Variants in PARP11 observed in about 807,000 individuals in gnomAD.
PARP11 encodes poly(ADP-ribose) polymerase family member 11, also known as protein mono-ADP-ribosyltransferase PARP11.
Under a neutral mutation model 42.9 loss-of-function variants are expected in PARP11, and 31 were observed. The observed-to-expected ratio is 0.72, with a 90% CI of 0.54 to 0.98. PARP11 has a LOEUF of 0.98. Among genes scored for constraint, PARP11 ranks in the 50% least tolerant of loss-of-function variants. The pLI is 0.00. For synonymous variants in PARP11, 137 were observed against 127.3 expected (o/e 1.08, Z -0.51); for missense variants, 365 against 413.1 (o/e 0.88, Z 1.01).
chr12:3,843,213 A>G (rs1405462825), intron 1 of PARP11, among the ~76,000 whole-genome samples: 1 of 152,150 alleles, frequency 6.6e-6, no homozygotes, highest in African/African-American at 2.4e-5. Flanking sequence ...GATTGCACAG[A>G]AGTATAGTAG....
intron 3 of PARP11, 117 bp from the exon 4 acceptor site, chr12:3,826,350 C>A (rs1947526016): frequency 7.4e-6 from 5 of 672,718 alleles, no homozygotes; most frequent in Non-Finnish European, 1.2e-5. Context: ...TCGGGAGTAG[C>A]TGGCAAGCAT....
chr12:3,842,187 G>A, intron 1 of PARP11: 5 of 1,610,084 alleles, frequency 3.1e-6, no homozygotes, highest in Non-Finnish European at 4.2e-6. Context: ...TGCTGATGTG[G>A]TCAGCCCTGG....
At chr12:3,838,670 C>T (rs1947813706) in intron 1 of PARP11, among the ~76,000 whole-genome samples, 3 of 152,206 alleles carry the variant, frequency 2.0e-5, no homozygotes, top group Admixed American at 2.0e-4. Context: ...CAAAAAGCCA[C>T]ATTTTTCAAA....
chr12:3,812,088 A>T lies in PARP11; in HGVS notation c.*35T>A, dbSNP rs1289899667. 1 of 1,495,282 alleles carries T rather than the reference A, an allele frequency of 6.7e-7. No homozygotes were observed. The highest frequency in any genetic ancestry group is 9.1e-7 in the Non-Finnish European group (1 of 1,102,932). 92.6% of individuals were successfully genotyped at this position (1,495,282 alleles called of 1,614,324 possible). On this transcript the variant is annotated 3_prime_UTR_variant, in exon 8 of 8. Coordinates refer to ENST00000228820, the MANE Select transcript of PARP11 (RefSeq NM_020367.6). ...AGCAAACCTTCCTGCAAAAAAGAATAAAGCTTCCTTGACCACCGAGATTTG... is the reference window on the plus strand; with the variant it reads ...AGCAAACCTTCCTGCAAAAAAGAATTAAGCTTCCTTGACCACCGAGATTTG...
intron 1 of PARP11, among the ~76,000 whole-genome samples, chr12:3,866,520 G>A (rs982172723): frequency 1.3e-5 from 2 of 152,136 alleles, no homozygotes; most frequent in African/African-American, 2.4e-5. Context: ...TAATTTGTAC[G>A]AAAATCACTT....
intron 3 of PARP11, 25 bp downstream of exon 3, chr12:3,828,885 A>C: frequency 6.2e-7 from 1 of 1,607,600 alleles, no homozygotes; most frequent in Non-Finnish European, 8.5e-7. Context: ...CTAAAAACAC[A>C]CAACTATTAG....
Position 3,840,749 on chromosome 12 carries a change from A to C in PARP11, c.19-10731T>G, listed in dbSNP as rs559140727. On this transcript the variant is annotated intron_variant, in intron 1 of 7. Coordinates refer to ENST00000228820, the MANE Select transcript of PARP11 (RefSeq NM_020367.6). The surrounding 1 kb of genome is among the most constrained non-coding windows in gnomAD (Gnocchi z 4.4). ...CTCTATTCATGGACATAGTTGGATA[A>C]AAGACCCGAACCAAGCATATTGGAG... is the stretch of plus-strand genomic sequence containing the variant. 265 of 1,402,044 alleles carry C rather than the reference A, an allele frequency of 1.9e-4. No individual in the cohort carries two copies. The African/African-American group carries it at 3.2e-3, about 17-fold the overall frequency. 86.9% of individuals were successfully genotyped at this position (1,402,044 alleles called of 1,614,324 possible).
chr12:3,845,697 A>G (rs886843882), intron 1 of PARP11, among the ~76,000 whole-genome samples: 7 of 152,148 alleles, frequency 4.6e-5, no homozygotes, highest in East Asian at 1.9e-4. Context: ...TCTAAATGCT[A>G]TTGTTTTTGT....
intron 1 of PARP11, chr12:3,842,056 C>T (rs1947899715): frequency 2.5e-6 from 4 of 1,608,306 alleles, no homozygotes; most frequent in Non-Finnish European, 2.6e-6. Context: ...GGGAAAGGCT[C>T]ACCCTCCCAC....
Position 3,810,258 on chromosome 12 carries a change from AAAGG to A in PARP11, c.*1861_*1864del, listed in dbSNP as rs1947142205. On this transcript the variant is annotated 3_prime_UTR_variant, in exon 8 of 8. Transcript: ENST00000228820. ...GGAGTTAAGAGAAAAGCTTTCTGAA[AAAGG>A]CTTGGTATACGTGCTGTCTTTTAAA... 6.6e-6 allele frequency: 1 copy of A among 152,208 alleles called. No individual in the cohort carries two copies. 9.4% of individuals were successfully genotyped at this position (152,208 alleles called of 1,614,324 possible). A position where few individuals can be genotyped will look rare whatever the true frequency, so the allele number is the denominator to read the frequency against.
At chr12:3,857,637 T>TAA (rs367843470) in intron 1 of PARP11, among the ~76,000 whole-genome samples, 9 of 140,854 alleles carry the variant, frequency 6.4e-5, no homozygotes, top group East Asian at 2.0e-4. Flanking sequence ...ATTATTATGC[T>TAA]AAAAAAAAAA....
At chr12:3,845,309 C>A (rs1252486498) in intron 1 of PARP11, among the ~76,000 whole-genome samples, 10 of 152,182 alleles carry the variant, frequency 6.6e-5, no homozygotes, top group Admixed American at 5.9e-4. Flanking sequence ...TCAGACCCTG[C>A]CTTGTCCTGG....
chr12:3,849,309 T>C (rs1160801721), intron 1 of PARP11, among the ~76,000 whole-genome samples: 1 of 151,946 alleles, frequency 6.6e-6, no homozygotes, highest in African/African-American at 2.4e-5. Flanking sequence ...ACTGAGTATA[T>C]ACCTAAAAGA....
chr12:3,814,874 T>C (rs1219898397), intron 6 of PARP11: 1 of 268,830 alleles, frequency 3.7e-6, no homozygotes, highest in Non-Finnish European at 7.5e-6. Flanking sequence ...TAAAAAATAA[T>C]ATTGAATGTA....
At chr12:3,870,240 A>G (rs1280455354) in intron 1 of PARP11, among the ~76,000 whole-genome samples, 2 of 152,230 alleles carry the variant, frequency 1.3e-5, no homozygotes, top group Non-Finnish European at 2.9e-5. Context: ...GCGCTTACTG[A>G]TATCATTCAT....
intron 1 of PARP11, among the ~76,000 whole-genome samples, chr12:3,850,610 C>T (rs1008556492): frequency 2.6e-5 from 4 of 152,124 alleles, no homozygotes; most frequent in African/African-American, 9.7e-5. Flanking sequence ...CTCACAATGC[C>T]CCACAAGAGG....
chr12:3,822,874 C>T (rs1006941282), intron 4 of PARP11, among the ~76,000 whole-genome samples: 3 of 152,164 alleles, frequency 2.0e-5, no homozygotes, highest in African/African-American at 7.2e-5. Flanking sequence ...CAAAACTCCT[C>T]AACCATTCAT....
chr12:3,872,889 G>A (rs1948516764), intron 1 of PARP11: 2 of 664,960 alleles, frequency 3.0e-6, no homozygotes, highest in Admixed American at 6.3e-5. Flanking sequence ...TCACGCCACT[G>A]CACTCCAGCC....
Position 3,846,274 on chromosome 12 carries a change from TA to T in PARP11, c.19-16257del, listed in dbSNP as rs879620080. On this transcript the variant is annotated intron_variant, in intron 1 of 7. Transcript: ENST00000228820. Reference sequence around the variant, plus strand: ...ATATATAAAACTGTGTGCATATATTTAAAAAAAAAAAGAAAAACAGAGAACA... The same window carrying T: ...ATATATAAAACTGTGTGCATATATTTAAAAAAAAAAGAAAAACAGAGAACA... 7.2e-3 allele frequency among the ~76,000 whole-genome samples: 1,038 copies of T among 144,458 alleles called. 6 individuals carry two copies. Among genetic ancestry groups the T allele is most frequent in the African/African-American group, 0.022 (859 of 39,586 alleles). The allele number at this position is 144,458 out of a possible 152,430, so 94.8% of individuals were successfully genotyped here.
Sources: allele counts gnomAD v4.1 joint callset (sites outside exome capture counted in the v4.1 genomes callset), GRCh38; gene constraint gnomAD v4.1.1; non-coding constraint Gnocchi (gnomAD v3.1); transcripts MANE v1.5; gene names NCBI Gene and HGNC (gene_info 2026-07-23, HGNC 2026-07-21).